RBFOX1: variants seen among roughly 807,000 people sequenced by gnomAD.
RBFOX1 encodes the protein RNA binding protein fox-1 homolog 1.
A neutral mutation model predicts 57.7 loss-of-function variants in RBFOX1; 8 were observed. The ratio of observed to expected loss-of-function variants is 0.14; its 90% CI spans 0.08 to 0.25. The LOEUF is 0.25. RBFOX1 is among the 10% of genes least tolerant of loss of function. The pLI is 1.00. For synonymous variants in RBFOX1, 326 were observed against 222.4 expected (o/e 1.47, Z -4.15); for missense variants, 611 against 548.5 (o/e 1.11, Z -1.14).
intron 4 of RBFOX1, among the ~76,000 whole-genome samples, chr16:7,289,170 G>C (rs1040954313): frequency 6.6e-6 from 1 of 152,164 alleles, no homozygotes; most frequent in Non-Finnish European, 1.5e-5. Context: ...AAAGCAGTCA[G>C]GGTGATGATG....
intron 3 of RBFOX1, among the ~76,000 whole-genome samples, chr16:5,769,209 A>G (rs975652014): frequency 3.3e-5 from 5 of 152,174 alleles, no homozygotes; most frequent in African/African-American, 9.7e-5. Context: ...TCCCCTCAAA[A>G]TTCATACGGT....
chr16:7,175,195 C>T lies in RBFOX1; in HGVS notation c.27+123097C>T, dbSNP rs75400550. Among the ~76,000 whole-genome samples the T allele has an allele frequency of 9.6e-3, 1,454 of 152,094 alleles. 26 individuals carry two copies. Among genetic ancestry groups the T allele is most frequent in the African/African-American group, 0.033 (1,375 of 41,498 alleles). On this transcript the variant is annotated intron_variant, in intron 4 of 15. Transcript: ENST00000550418. ...AGCTCTTTTTCCTAATACTCTTCCT[C>T]CTATCCACCCCAGCCCCCAATAGGC...
intron 3 of RBFOX1, among the ~76,000 whole-genome samples, chr16:6,758,916 CG>C (rs576969410): frequency 2.0e-5 from 3 of 151,628 alleles, no homozygotes; most frequent in Non-Finnish European, 4.4e-5. Flanking sequence ...TTCAGGGAGT[CG>C]GGGGGGAAAG....
chr16:5,817,054 C>T (rs1201478471), intron 3 of RBFOX1, among the ~76,000 whole-genome samples: 1 of 152,160 alleles, frequency 6.6e-6, no homozygotes, highest in Admixed American at 6.5e-5. Flanking sequence ...CAGTAAATCC[C>T]AGAAAAATCA....
At chr16:7,695,488 A>G (rs1348442826) in intron 14 of RBFOX1, among the ~76,000 whole-genome samples, 1 of 151,940 alleles carries the variant, frequency 6.6e-6, no homozygotes, top group African/African-American at 2.4e-5. Flanking sequence ...CCCCATCTCT[A>G]CTAAAAATAC....
At chr16:7,063,792 C>G (rs532708224) in intron 4 of RBFOX1, among the ~76,000 whole-genome samples, 2 of 152,296 alleles carry the variant, frequency 1.3e-5, no homozygotes, top group African/African-American at 2.4e-5. Context: ...ATAATAACTG[C>G]TTACATAGCA....
At chr16:6,249,112 C>A (rs887242019) in intron 1 of RBFOX1, among the ~76,000 whole-genome samples, 1 of 152,148 alleles carries the variant, frequency 6.6e-6, no homozygotes, top group South Asian at 2.1e-4. Context: ...CACTCCCCTC[C>A]CCACCAACCT....
At chr16:5,953,508 C>T (rs1033135596) in intron 4 of RBFOX1, among the ~76,000 whole-genome samples, 4 of 152,030 alleles carry the variant, frequency 2.6e-5, no homozygotes, top group Non-Finnish European at 4.4e-5. Flanking sequence ...CCTTTCCCCC[C>T]GAGTCCCCAA....
At position 6,640,806 on chromosome 16, in the gene RBFOX1, C is replaced by A. The variant is rs115692528; in HGVS notation, c.-63-13797C>A. Reference sequence around the variant, plus strand: ...AGTTGGCCTTGAACCAGAATACGTTCTCTGGGCCTCTCTGACTAGTCCCTG... The same window carrying A: ...AGTTGGCCTTGAACCAGAATACGTTATCTGGGCCTCTCTGACTAGTCCCTG... On this transcript the variant is annotated intron_variant, in intron 2 of 15. Transcript: ENST00000550418. Among the ~76,000 whole-genome samples the A allele has an allele frequency of 9.2e-3, 1,406 of 152,198 alleles. 28 individuals are homozygous for A. The highest frequency in any genetic ancestry group is 0.032 in the African/African-American group (1,313 of 41,514).
intron 2 of RBFOX1, among the ~76,000 whole-genome samples, chr16:5,503,384 C>T (rs111939568): frequency 6.6e-6 from 1 of 152,216 alleles, no homozygotes; most frequent in South Asian, 2.1e-4. Context: ...ATATAATTCA[C>T]ACACCATATA....
chr16:7,669,677 C>T (rs1244933307), intron 13 of RBFOX1, among the ~76,000 whole-genome samples: 2 of 152,162 alleles, frequency 1.3e-5, no homozygotes, highest in African/African-American at 2.4e-5. Flanking sequence ...GTCACTCTGC[C>T]ACCCATATGT....
intron 5 of RBFOX1, among the ~76,000 whole-genome samples, chr16:7,572,259 A>G (rs1567894001): frequency 6.6e-6 from 1 of 152,308 alleles, no homozygotes; most frequent in East Asian, 1.9e-4. Context: ...ACAAGTATAC[A>G]TTTATCATTT....
At chr16:5,370,261 C>T (rs914119521) in intron 1 of RBFOX1, among the ~76,000 whole-genome samples, 4 of 152,116 alleles carry the variant, frequency 2.6e-5, no homozygotes, top group African/African-American at 9.7e-5. Context: ...GAAAGCACAA[C>T]AGACTTGTAA....
chr16:5,328,888 C>T (rs966794490), intron 1 of RBFOX1, among the ~76,000 whole-genome samples: 7 of 152,200 alleles, frequency 4.6e-5, no homozygotes, highest in South Asian at 2.1e-4. Flanking sequence ...GCCTTGATTC[C>T]GGGTCCTACC....
chr16:6,360,864 T>G (rs558740143), intron 2 of RBFOX1, among the ~76,000 whole-genome samples: 6 of 152,210 alleles, frequency 3.9e-5, no homozygotes, highest in Admixed American at 1.3e-4. Context: ...GTGTGTAGTC[T>G]GAAATTTTGG....
chr16:5,519,793 C>A (rs928296105), intron 2 of RBFOX1, among the ~76,000 whole-genome samples: 3 of 152,118 alleles, frequency 2.0e-5, no homozygotes, highest in African/African-American at 7.2e-5. Flanking sequence ...CGACTTGTTC[C>A]CTGAGAACTC....
chr16:6,572,451 T>A (rs2097357670), intron 2 of RBFOX1, among the ~76,000 whole-genome samples: 2 of 152,210 alleles, frequency 1.3e-5, no homozygotes, highest in Non-Finnish European at 1.5e-5. Context: ...GGCTCTTATC[T>A]AAGAGACACT....
intron 2 of RBFOX1, among the ~76,000 whole-genome samples, chr16:5,521,742 T>C (rs1183839292): frequency 6.6e-6 from 1 of 152,208 alleles, no homozygotes; most frequent in Non-Finnish European, 1.5e-5. Flanking sequence ...TGATCTCCTG[T>C]TCACACAATA....
At chr16:6,689,873 T>C (rs1333832760) in intron 3 of RBFOX1, among the ~76,000 whole-genome samples, 3 of 152,192 alleles carry the variant, frequency 2.0e-5, no homozygotes, top group African/African-American at 7.2e-5. Context: ...CTGAATGTGG[T>C]TTCCTTTTGT....
Sources: gnomAD v4.1 joint callset for allele counts (sites outside exome capture counted in the v4.1 genomes callset) on GRCh38, gnomAD v4.1.1 for gene constraint, MANE v1.5 for transcripts, NCBI Gene and HGNC (gene_info 2026-07-23, HGNC 2026-07-21) for gene names.